The following AGBL4 variants were observed in gnomAD, a reference collection of about 807,000 sequenced individuals.
AGBL4 encodes the protein AGBL carboxypeptidase 4.
AGBL4 carries 58 observed loss-of-function variants against 66.4 expected under a neutral mutation model. The ratio of observed to expected loss-of-function variants is 0.87; its 90% CI spans 0.71 to 1.09. AGBL4 has a LOEUF of 1.09. Among genes scored for constraint, AGBL4 ranks in the 50% least tolerant of loss-of-function variants. The pLI is 0.00. For missense variants in AGBL4, 579 were observed against 631.0 expected (o/e 0.92, Z 0.88); for synonymous variants, 234 against 222.9 (o/e 1.05, Z -0.44).
At chr1:49,864,863 G>A (rs993397636) in intron 1 of AGBL4, among the ~76,000 whole-genome samples, 12 of 152,204 alleles carry the variant, frequency 7.9e-5, no homozygotes, top group Admixed American at 2.6e-4. Flanking sequence ...CTGAGCTGCT[G>A]GGGCGAGGGG....
intron 1 of AGBL4, among the ~76,000 whole-genome samples, chr1:49,935,850 C>G (rs1444890127): frequency 6.6e-6 from 1 of 152,106 alleles, no homozygotes; most frequent in Non-Finnish European, 1.5e-5. Context: ...TCACCATCAT[C>G]AAAGACCAAA....
chr1:49,995,350 A>C, intron 1 of AGBL4: 1 of 450,418 alleles, frequency 2.2e-6, no homozygotes, highest in South Asian at 1.6e-5. Context: ...GCTGCGTTGG[A>C]GCTGGATGAG....
intron 1 of AGBL4, among the ~76,000 whole-genome samples, chr1:49,905,718 ACAGT>A (rs1054838692): frequency 1.1e-4 from 16 of 152,162 alleles, no homozygotes; most frequent in Non-Finnish European, 1.6e-4. Context: ...AAATTAGCCC[ACAGT>A]CAGATAGATT....
At position 49,566,944 on chromosome 1, in the gene AGBL4, C is replaced by A. The variant is rs571016624; in HGVS notation, c.282+130369G>T. ...CCTCCTTGAGCTGTGGTGGGCTCCACCCAGTTTGAGCTTCCCTCTCGGCTG... is the reference window on the plus strand; with the variant it reads ...CCTCCTTGAGCTGTGGTGGGCTCCAACCAGTTTGAGCTTCCCTCTCGGCTG... On this transcript the variant is annotated intron_variant, in intron 3 of 13. Coordinates refer to ENST00000371839, the MANE Select transcript of AGBL4 (RefSeq NM_032785.4). 1.8e-4 allele frequency among the ~76,000 whole-genome samples: 28 copies of A among 152,320 alleles called. No individual in the cohort carries two copies. In the East Asian group the frequency reaches 4.5e-3, roughly 24 times the overall value.
intron 3 of AGBL4, among the ~76,000 whole-genome samples, chr1:49,566,314 T>G (rs904934480): frequency 6.6e-6 from 1 of 152,160 alleles, no homozygotes; most frequent in Non-Finnish European, 1.5e-5. Flanking sequence ...AAAGTTACAC[T>G]CCGTCCAGCT....
intron 11 of AGBL4, among the ~76,000 whole-genome samples, chr1:48,541,440 T>C (rs117908489): frequency 6.6e-6 from 1 of 152,330 alleles, no homozygotes; most frequent in East Asian, 1.9e-4. Flanking sequence ...CACACACTCA[T>C]CTGACAATAA....
intron 6 of AGBL4, among the ~76,000 whole-genome samples, chr1:48,825,910 A>AG (rs1479847069): frequency 6.6e-6 from 1 of 152,152 alleles, no homozygotes; most frequent in East Asian, 1.9e-4. Flanking sequence ...TGGAAGATTT[A>AG]GGGGGGAAGA....
At chr1:48,795,184 A>T (rs1645642232) in intron 6 of AGBL4, among the ~76,000 whole-genome samples, 2 of 152,208 alleles carry the variant, frequency 1.3e-5, no homozygotes, top group South Asian at 4.1e-4. Context: ...CAGAATGATC[A>T]TGCTCAAATG....
chr1:48,531,770 ATG>A (rs2148247513), downstream of AGBL4, among the ~76,000 whole-genome samples: 2 of 151,724 alleles, frequency 1.3e-5, no homozygotes, highest in South Asian at 2.1e-4. Context: ...GTATGTATGT[ATG>A]TATGTATGTA....
chr1:48,532,074 G>A (rs775515680), downstream of AGBL4, among the ~76,000 whole-genome samples: 3 of 152,066 alleles, frequency 2.0e-5, no homozygotes, highest in African/African-American at 7.2e-5. Context: ...GTGAGCCACC[G>A]CACCCGGCCT....
At chr1:49,347,252 CTTTT>C (rs35313917) in intron 3 of AGBL4, among the ~76,000 whole-genome samples, 3 of 115,832 alleles carry the variant, frequency 2.6e-5, no homozygotes, top group African/African-American at 3.1e-5. Context: ...TTCTTTCTTT[CTTTT>C]TTTTTTTTTT....
intron 4 of AGBL4, among the ~76,000 whole-genome samples, chr1:49,202,451 G>A (rs139390832): frequency 6.6e-6 from 1 of 152,064 alleles, no homozygotes; most frequent in African/African-American, 2.4e-5. Context: ...AAACAGAATA[G>A]AGAGCCAAAA....
chr1:49,584,974 A>G (rs1054886054), intron 3 of AGBL4, among the ~76,000 whole-genome samples: 7 of 152,202 alleles, frequency 4.6e-5, no homozygotes, highest in African/African-American at 1.2e-4. Context: ...TTCCCTCTCC[A>G]TCGTAGTTAT....
chr1:49,492,025 T>A (rs564083500), intron 3 of AGBL4, among the ~76,000 whole-genome samples: 1 of 151,944 alleles, frequency 6.6e-6, no homozygotes. Flanking sequence ...GTGATGTGAA[T>A]GTGGTCTCTC....
chr1:49,745,584 C>A (rs1163338726), intron 2 of AGBL4, among the ~76,000 whole-genome samples: 4 of 151,456 alleles, frequency 2.6e-5, no homozygotes, highest in South Asian at 2.1e-4. Context: ...TAATATCAGA[C>A]AAAACAGACT....
chr1:49,807,927 A>G (rs1350659144), intron 2 of AGBL4, among the ~76,000 whole-genome samples: 1 of 152,220 alleles, frequency 6.6e-6, no homozygotes, highest in African/African-American at 2.4e-5. Context: ...GGCATCATCT[A>G]TTAACCAAAA....
At chr1:50,006,419 C>T (rs1259007677) in intron 1 of AGBL4, among the ~76,000 whole-genome samples, 2 of 151,016 alleles carry the variant, frequency 1.3e-5, no homozygotes, top group Admixed American at 6.6e-5. Context: ...TTCCCAAACT[C>T]AGAGAAAGAT....
intron 3 of AGBL4, among the ~76,000 whole-genome samples, chr1:49,343,513 G>A (rs1645581522): frequency 6.6e-6 from 1 of 152,174 alleles, no homozygotes; most frequent in South Asian, 2.1e-4. Context: ...CACCTGGAAA[G>A]TATAAACTCC....
intron 6 of AGBL4, among the ~76,000 whole-genome samples, chr1:48,824,215 A>C (rs1646377095): frequency 6.6e-6 from 1 of 152,214 alleles, no homozygotes. Context: ...ACAATGGGGG[A>C]GTCATATATA....
Sources: gnomAD v4.1 joint callset for allele counts (sites outside exome capture counted in the v4.1 genomes callset) on GRCh38, gnomAD v4.1.1 for gene constraint, MANE v1.5 for transcripts, NCBI Gene and HGNC (gene_info 2026-07-23, HGNC 2026-07-21) for gene names.